The following MSANTD1 variants were observed in gnomAD, a reference collection of about 807,000 sequenced individuals.
MSANTD1 encodes the protein myb/SANT-like DNA-binding domain-containing protein 1.
In MSANTD1, 7 loss-of-function variants were observed where a neutral mutation model predicts 24.2. The observed-to-expected ratio is 0.29, with a 90% CI of 0.16 to 0.54. The LOEUF (loss-of-function observed/expected upper bound fraction) is 0.54, where lower values mean the gene tolerates loss of function less well. Among genes scored for constraint, MSANTD1 ranks in the 20% least tolerant of loss-of-function variants. The probability of loss-of-function intolerance (pLI) is 0.94; values close to 1 mark genes in which losing one functional copy is unlikely to be tolerated. For synonymous variants in MSANTD1, 177 were observed against 181.1 expected (o/e 0.98, Z 0.18); for missense variants, 384 against 408.2 (o/e 0.94, Z 0.51).
At position 3,249,363 on chromosome 4, in the gene MSANTD1, G is replaced by C. The variant is rs369758700; in HGVS notation, c.141G>C (p.Thr47=). ...AGCACCGGCGGGCCCGCAACTGGAC[G>C]GACGCCGAGATGCGCGGCCTCATGC... ...AEKHRRARNW[T]DAEMRGLMLV... is the part of the protein sequence containing the mutation. The change falls in exon 1 of 3, where the codon ACG becomes ACC. Residue 47 remains threonine (T), a synonymous_variant. Coordinates refer to ENST00000438480, the MANE Select transcript of MSANTD1 (RefSeq NM_001042690.2). 1.2e-5 allele frequency: 18 copies of C among 1,561,626 alleles called. No homozygotes were observed. In the Middle Eastern group the frequency reaches 5.0e-4, roughly 43 times the overall value.
intron 1 of MSANTD1, among the ~76,000 whole-genome samples, chr4:3,251,385 T>G (rs1339013964): frequency 6.6e-6 from 1 of 152,224 alleles, no homozygotes; most frequent in Non-Finnish European, 1.5e-5. Flanking sequence ...TCCTGGAGGC[T>G]GAGAGATGAG....
intron 1 of MSANTD1, 44 bp downstream of exon 1, chr4:3,249,586 C>T (rs560991137): frequency 1.8e-5 from 27 of 1,532,184 alleles, no homozygotes; most frequent in South Asian, 1.2e-4. Flanking sequence ...CGGGCGGGCC[C>T]GGGCGTGGCG....
intron 2 of MSANTD1, among the ~76,000 whole-genome samples, chr4:3,255,519 C>T (rs1402725051): frequency 2.6e-5 from 4 of 152,220 alleles, no homozygotes; most frequent in African/African-American, 7.2e-5. Context: ...CCTCCACACC[C>T]GGCCACCCCT....
upstream of MSANTD1, among the ~76,000 whole-genome samples, chr4:3,245,705 C>G (rs531231909): frequency 6.4e-4 from 97 of 152,328 alleles, no homozygotes; most frequent in African/African-American, 2.2e-3. Flanking sequence ...CTTGCGGGTC[C>G]CCCAGGCTCT....
At chr4:3,255,617 C>T in intron 2 of MSANTD1, 108 bp from the exon 3 acceptor site, 7 of 1,352,154 alleles carry the variant, frequency 5.2e-6, no homozygotes, top group Admixed American at 2.9e-5. Context: ...CTCCCTGGGG[C>T]CTCAGTTTCC....
At chr4:3,249,077 T>C, upstream of MSANTD1, 1 of 630,460 alleles carries the variant, frequency 1.6e-6, no homozygotes, top group Non-Finnish European at 2.4e-6. Flanking sequence ...TTGTAGCTTA[T>C]GCAGTTGCTC....
chr4:3,248,917 A>G (rs1335508478), upstream of MSANTD1: 1 of 309,914 alleles, frequency 3.2e-6, no homozygotes. Context: ...CCGGGGCGGC[A>G]CTGAACTGGG....
rs1275933262 is a variant in MSANTD1 at position 3,249,492 on chromosome 4, G to C, written c.270G>C (p.Arg90Ser). Residue 90 changes from arginine (R) to serine (S), a missense_variant, in exon 1 of 3, where the codon AGG (arginine) becomes AGC (serine). Physicochemically the swap from Arg to Ser is moderately radical, Grantham distance 110. Coordinates refer to ENST00000438480, the MANE Select transcript of MSANTD1 (RefSeq NM_001042690.2). ...SKLFEMTGER[R>S]LGEEIKIKIT... ...TCTTCGAGATGACCGGCGAGCGCAG[G>C]CTGGGCGAGGAGATCAAGATCAAGA... The C allele has an allele frequency of 1.2e-6, 2 of 1,611,956 alleles. No individual in the cohort carries two copies. The highest frequency in any genetic ancestry group is 8.5e-7 in the Non-Finnish European group (1 of 1,179,686).
Position 3,249,325 on chromosome 4 carries a change from C to T in MSANTD1, c.103C>T (p.Pro35Ser). 1 of 1,550,110 alleles carries T rather than the reference C, an allele frequency of 6.5e-7. No homozygotes were observed. The highest frequency in any genetic ancestry group is 8.7e-7 in the Non-Finnish European group (1 of 1,145,774). Reference protein sequence around the residue: ...AAEGPGYLVSPQAEKHRRARN... With the variant: ...AAEGPGYLVSSQAEKHRRARN... ...CGAGGGGCCCGGCTACCTCGTGTCT[C>T]CCCAGGCGGAGAAGCACCGGCGGGC... The change falls in exon 1 of 3, where the codon CCC (proline) becomes TCC (serine). Residue 35 changes from proline to serine, a missense_variant. Coordinates refer to ENST00000438480, the MANE Select transcript of MSANTD1 (RefSeq NM_001042690.2).
At chr4:3,251,074 G>A (rs1560616891) in intron 1 of MSANTD1, among the ~76,000 whole-genome samples, 2 of 152,226 alleles carry the variant, frequency 1.3e-5, no homozygotes, top group African/African-American at 2.4e-5. Flanking sequence ...GGGTTTGAGC[G>A]GCTGGCTTGC....
upstream of MSANTD1, chr4:3,247,459 C>A (rs2110316815): frequency 6.6e-6 from 1 of 152,344 alleles, no homozygotes; most frequent in South Asian, 2.1e-4. Flanking sequence ...AGGGCCGAAC[C>A]CTGTTCCTGA....
rs149980355 is a variant in MSANTD1 at position 3,249,471 on chromosome 4, C to T, written c.249C>T (p.Phe83=). 1,505 of 1,611,952 alleles carry T rather than the reference C, an allele frequency of 9.3e-4. 3 individuals carry two copies. The highest frequency in any genetic ancestry group is 1.2e-3 in the South Asian group (105 of 90,642). ...ACGAGAAGATGGCCAGCAAGCTCTT[C>T]GAGATGACCGGCGAGCGCAGGCTGG... The part of the protein sequence containing the change: ...KVYEKMASKL[F]EMTGERRLGE... Residue 83 remains phenylalanine, a synonymous_variant, in exon 1 of 3, where the codon TTC becomes TTT. Transcript: ENST00000438480.
At chr4:3,252,448 C>A (rs1372745583) in intron 1 of MSANTD1, among the ~76,000 whole-genome samples, 1 of 152,250 alleles carries the variant, frequency 6.6e-6, no homozygotes, top group Admixed American at 6.5e-5. Context: ...ACCCCAGGGC[C>A]TCTGGGCAGG....
intron 1 of MSANTD1, among the ~76,000 whole-genome samples, chr4:3,250,423 G>A (rs1457961674): frequency 6.6e-6 from 1 of 152,210 alleles, no homozygotes; most frequent in Non-Finnish European, 1.5e-5. Context: ...AGCCCATTAG[G>A]ACAGGGTCCC....
At chr4:3,252,465 G>T (rs1180738307) in intron 1 of MSANTD1, among the ~76,000 whole-genome samples, 1 of 152,248 alleles carries the variant, frequency 6.6e-6, no homozygotes, top group African/African-American at 2.4e-5. Context: ...CAGGTTGCAG[G>T]TTGTAGCGCT....
In MSANTD1 at chr4:3,255,965, G is replaced by C. The variant is rs1431858970; in HGVS notation, c.837G>C (p.Ter279TyrextTer86). The C allele has an allele frequency of 6.6e-7, 1 of 1,521,432 alleles. No individual in the cohort carries two copies. The highest frequency in any genetic ancestry group is 8.8e-7 in the Non-Finnish European group (1 of 1,133,796). 94.2% of individuals were successfully genotyped at this position (1,521,432 alleles called of 1,614,324 possible). The change falls in exon 3 of 3, where the codon TAG becomes TAC. Residue 279 changes from the stop codon to tyrosine (Y), a stop_lost. Transcript: ENST00000438480. ...LERIITKSSV[*>Y] ...GGATCATCACCAAGTCCAGCGTCTA[G>C]GCCAGCAGGCGGCGGCGGCGGCGGG...
intron 1 of MSANTD1, among the ~76,000 whole-genome samples, chr4:3,252,491 C>T (rs1351837735): frequency 2.6e-5 from 4 of 152,238 alleles, no homozygotes; most frequent in Non-Finnish European, 5.9e-5. Context: ...TAGGCTCCTG[C>T]CCAGACTGTA....
At chr4:3,249,673 C>A in intron 1 of MSANTD1, 131 bp downstream of exon 1, 3 of 888,956 alleles carry the variant, frequency 3.4e-6, no homozygotes, top group Non-Finnish European at 5.2e-6. Context: ...CTCCTCTGGC[C>A]GGGTATGGGC....
intron 2 of MSANTD1, among the ~76,000 whole-genome samples, chr4:3,254,717 G>A (rs981076060): frequency 6.6e-6 from 1 of 152,228 alleles, no homozygotes; most frequent in East Asian, 1.9e-4. Flanking sequence ...GGGCTGGACT[G>A]CCTTTACTCA....
Sources: gnomAD v4.1 joint callset for allele counts (sites outside exome capture counted in the v4.1 genomes callset) on GRCh38, gnomAD v4.1.1 for gene constraint, MANE v1.5 for transcripts, NCBI Gene and HGNC (gene_info 2026-07-23, HGNC 2026-07-21) for gene names.